Variants in KCNIP4 observed in about 807,000 individuals in gnomAD.
KCNIP4 encodes potassium voltage-gated channel interacting protein 4.
In KCNIP4, 12 loss-of-function variants were observed where a neutral mutation model predicts 34.0. That is an observed-to-expected ratio of 0.35 (90% confidence interval 0.23 to 0.57). The LOEUF (loss-of-function observed/expected upper bound fraction) is 0.57, where lower values mean the gene tolerates loss of function less well. KCNIP4 is among the 20% of genes least tolerant of loss of function. The pLI, the probability that KCNIP4 is intolerant of heterozygous loss-of-function variation, is 0.83. For synonymous variants in KCNIP4, 124 were observed against 102.2 expected, an observed-to-expected ratio of 1.21 and a Z score of -1.29; for missense variants, 238 against 311.7, an observed-to-expected ratio of 0.76 and a Z score of 1.78.
At chr4:21,798,033 T>C (rs939148093) in intron 1 of KCNIP4, among the ~76,000 whole-genome samples, 1 of 152,046 alleles carries the variant, frequency 6.6e-6, no homozygotes, top group Non-Finnish European at 1.5e-5. Flanking sequence ...CCCCCACTCC[T>C]AGCTTACCAA....
At chr4:20,864,066 G>A (rs1722522905) in intron 2 of KCNIP4, among the ~76,000 whole-genome samples, 3 of 148,224 alleles carry the variant, frequency 2.0e-5, no homozygotes, top group African/African-American at 7.4e-5. Flanking sequence ...ACACATGTAT[G>A]TATACGTATG....
intron 1 of KCNIP4, among the ~76,000 whole-genome samples, chr4:21,832,562 C>A (rs534605940): frequency 3.9e-5 from 5 of 128,184 alleles, no homozygotes; most frequent in East Asian, 2.5e-4. Flanking sequence ...GAATTAAATT[C>A]TTTTTTGTTT....
intron 1 of KCNIP4, among the ~76,000 whole-genome samples, chr4:20,935,522 C>G (rs574908964): frequency 1.1e-4 from 17 of 152,290 alleles, no homozygotes; most frequent in African/African-American, 3.8e-4. Context: ...TACTACCTCT[C>G]TCTAGGCCAT....
chr4:21,878,218 G>A (rs1726250599), intron 1 of KCNIP4, among the ~76,000 whole-genome samples: 1 of 152,084 alleles, frequency 6.6e-6, no homozygotes, highest in Non-Finnish European at 1.5e-5. Context: ...TGGGATTACA[G>A]GCACACACCA....
Position 21,353,055 on chromosome 4 carries a change from TCTGA to T in KCNIP4, c.62-470350_62-470347del, listed in dbSNP as rs570572480. ...CTCCAACAGACCTGCAGCTGAGGGATCTGACTGTTAGAAGGAAAACTAACAAACA... is the reference window on the plus strand; with the variant it reads ...CTCCAACAGACCTGCAGCTGAGGGATCTGTTAGAAGGAAAACTAACAAACA... On this transcript the variant is annotated intron_variant, in intron 1 of 8. Transcript: ENST00000382152. Among the ~76,000 whole-genome samples the T allele has an allele frequency of 2.6e-4, 40 of 152,232 alleles. No homozygotes were observed. In the East Asian group the frequency reaches 5.2e-3, roughly 20 times the overall value.
At chr4:21,293,995 GT>G (rs1763694571) in intron 1 of KCNIP4, among the ~76,000 whole-genome samples, 1 of 152,082 alleles carries the variant, frequency 6.6e-6, no homozygotes, top group Non-Finnish European at 1.5e-5. Context: ...ACCACTTCTA[GT>G]TATATGATCT....
intron 1 of KCNIP4, among the ~76,000 whole-genome samples, chr4:21,213,079 T>C (rs1263702344): frequency 6.6e-6 from 1 of 152,018 alleles, no homozygotes; most frequent in Non-Finnish European, 1.5e-5. Context: ...TGAACTAAAC[T>C]TGCAGGGATT....
chr4:21,696,703 A>C (rs1258183881), intron 1 of KCNIP4, among the ~76,000 whole-genome samples: 1 of 152,168 alleles, frequency 6.6e-6, no homozygotes, highest in Non-Finnish European at 1.5e-5. Context: ...TATTAAAAAT[A>C]TTTTCTTGCT....
At chr4:21,415,692 A>G (rs1258854673) in intron 1 of KCNIP4, among the ~76,000 whole-genome samples, 1 of 152,132 alleles carries the variant, frequency 6.6e-6, no homozygotes, top group Non-Finnish European at 1.5e-5. Flanking sequence ...ACAGAGTGGG[A>G]CTTTGTCTCA....
rs201979699 is a variant in KCNIP4 at position 21,681,898 on chromosome 4, A to AT, written c.61+266672dup. Among the ~76,000 whole-genome samples, 1,190 of 150,242 alleles carry AT rather than the reference A, an allele frequency of 7.9e-3. 68 individuals are homozygous for AT. The East Asian group carries it at 0.15, about 19-fold the overall frequency. On this transcript the variant is annotated intron_variant, in intron 1 of 8. Coordinates refer to ENST00000382152, the MANE Select transcript of KCNIP4 (RefSeq NM_025221.6). ...CTTTTTTTTTTATTTTTATTTATTT[A>AT]TTTTTTTTGAGACAGAGCCTCACTC...
intron 1 of KCNIP4, among the ~76,000 whole-genome samples, chr4:21,804,055 T>A (rs1721157362): frequency 6.6e-6 from 1 of 152,214 alleles, no homozygotes; most frequent in South Asian, 2.1e-4. Flanking sequence ...AAGATTTGGC[T>A]TTGTGTTAGA....
intron 1 of KCNIP4, among the ~76,000 whole-genome samples, chr4:21,167,289 C>T (rs902306181): frequency 3.3e-5 from 5 of 152,058 alleles, no homozygotes; most frequent in Non-Finnish European, 4.4e-5. Flanking sequence ...AATTATTTTA[C>T]GAGTCTATAC....
intron 1 of KCNIP4, among the ~76,000 whole-genome samples, chr4:21,475,399 C>G (rs1441776216): frequency 6.6e-6 from 1 of 152,142 alleles, no homozygotes; most frequent in Non-Finnish European, 1.5e-5. Context: ...CAGCTCATTC[C>G]ACATGGAAAT....
At chr4:21,049,242 G>A (rs932128252) in intron 1 of KCNIP4, among the ~76,000 whole-genome samples, 4 of 152,044 alleles carry the variant, frequency 2.6e-5, no homozygotes, top group Non-Finnish European at 1.5e-5. Context: ...GAGCCACCGC[G>A]CCCGGCCCAG....
chr4:21,025,543 G>GTTTTTTTTTTTTTT (rs772689134), intron 1 of KCNIP4, among the ~76,000 whole-genome samples: 1 of 34,778 alleles, frequency 2.9e-5, no homozygotes, highest in African/African-American at 1.0e-4. Flanking sequence ...CATTGATACT[G>GTTTTTTTTTTTTTT]TTTTTTTTTT....
At chr4:21,242,268 T>C (rs1288201629) in intron 1 of KCNIP4, among the ~76,000 whole-genome samples, 1 of 150,994 alleles carries the variant, frequency 6.6e-6, no homozygotes, top group African/African-American at 2.4e-5. Flanking sequence ...GCATATACTA[T>C]ACATCGATAA....
intron 1 of KCNIP4, among the ~76,000 whole-genome samples, chr4:21,697,149 T>A (rs1358672913): frequency 6.6e-6 from 1 of 151,844 alleles, no homozygotes; most frequent in Non-Finnish European, 1.5e-5. Context: ...AATACATCCA[T>A]AGAAGTCAGT....
At chr4:21,410,817 C>T (rs1181285536) in intron 1 of KCNIP4, among the ~76,000 whole-genome samples, 1 of 152,096 alleles carries the variant, frequency 6.6e-6, no homozygotes, top group Non-Finnish European at 1.5e-5. Context: ...GAAATTTATC[C>T]TATGTTTTCT....
intron 1 of KCNIP4, among the ~76,000 whole-genome samples, chr4:21,666,314 A>C (rs142419638): frequency 6.6e-6 from 1 of 152,322 alleles, no homozygotes; most frequent in African/African-American, 2.4e-5. Flanking sequence ...CAATAAGTTG[A>C]ATCTTGACTT....
Sources: allele counts gnomAD v4.1 joint callset (sites outside exome capture counted in the v4.1 genomes callset), GRCh38; gene constraint gnomAD v4.1.1; transcripts MANE v1.5; gene names NCBI Gene and HGNC (gene_info 2026-07-23, HGNC 2026-07-21).